Variants in FRMD6 observed in about 807,000 individuals in gnomAD.
The protein encoded by FRMD6 is FERM domain containing 6, also known as FERM domain-containing protein 6.
FRMD6 carries 37 observed loss-of-function variants against 73.2 expected under a neutral mutation model. The ratio of observed to expected loss-of-function variants is 0.51; its 90% confidence interval spans 0.39 to 0.66. FRMD6 has a LOEUF of 0.66. Among genes scored for constraint, FRMD6 ranks in the 30% least tolerant of loss-of-function variants. The probability of loss-of-function intolerance (pLI) is 0.00; values close to 1 mark genes in which losing one functional copy is unlikely to be tolerated. For synonymous variants in FRMD6, 273 were observed against 282.2 expected (o/e 0.97, Z 0.33); for missense variants, 714 against 780.5 (o/e 0.91, Z 1.02).
chr14:51,442,791 C>A, the FRMD6 span, among the ~76,000 whole-genome samples: 1 of 152,226 alleles, frequency 6.6e-6, no homozygotes, highest in African/African-American at 2.4e-5. Flanking sequence ...TTTAGGATAA[C>A]TATATGCCAG....
intron 3 of FRMD6, 93 bp from the exon 4 acceptor site, chr14:51,700,963 T>C: frequency 1.7e-6 from 1 of 571,982 alleles, no homozygotes; most frequent in Middle Eastern, 4.8e-4. Context: ...TTCACAAGTC[T>C]TGAGGCTTTA....
intron 2 of FRMD6, among the ~76,000 whole-genome samples, chr14:51,572,084 C>A (rs1010035074): frequency 7.2e-5 from 11 of 152,242 alleles, no homozygotes; most frequent in African/African-American, 2.7e-4. Context: ...GCTGGCACTC[C>A]AGCATAAGGC....
intron 1 of FRMD6, among the ~76,000 whole-genome samples, chr14:51,492,570 G>T (rs932275620): frequency 1.3e-5 from 2 of 152,022 alleles, no homozygotes; most frequent in South Asian, 4.2e-4. Context: ...AATCAGTCAA[G>T]TATCACCTTC....
chr14:51,437,467 TA>T, the FRMD6 span, among the ~76,000 whole-genome samples: 1 of 152,200 alleles, frequency 6.6e-6, no homozygotes, highest in Non-Finnish European at 1.5e-5. Flanking sequence ...CACACCCGGC[TA>T]ATTTTTTGTA....
At chr14:51,703,140 T>C (rs1896427431) in intron 5 of FRMD6, among the ~76,000 whole-genome samples, 1 of 152,044 alleles carries the variant, frequency 6.6e-6, no homozygotes, top group African/African-American at 2.4e-5. Context: ...GAATCTTAGA[T>C]GCAATTTGAC....
At chr14:51,466,987 A>G in the FRMD6 span, among the ~76,000 whole-genome samples, 1 of 150,328 alleles carries the variant, frequency 6.7e-6, no homozygotes, top group Non-Finnish European at 1.5e-5. Context: ...TTTAATACTT[A>G]TTGATCATTC....
At chr14:51,696,558 C>T (rs1895952090) in intron 2 of FRMD6, among the ~76,000 whole-genome samples, 2 of 151,892 alleles carry the variant, frequency 1.3e-5, no homozygotes, top group Admixed American at 1.3e-4. Flanking sequence ...TACTAAGACT[C>T]AGAAAAGGAA....
At chr14:51,716,184 A>C (rs1225007496) in intron 10 of FRMD6, among the ~76,000 whole-genome samples, 2 of 152,192 alleles carry the variant, frequency 1.3e-5, no homozygotes, top group African/African-American at 4.8e-5. Context: ...TCCGACTTCA[A>C]CTTTACATTA....
intron 2 of FRMD6, among the ~76,000 whole-genome samples, chr14:51,597,670 T>A (rs2139780161): frequency 6.6e-6 from 1 of 152,364 alleles, no homozygotes; most frequent in South Asian, 2.1e-4. Flanking sequence ...GATGAATGAA[T>A]GAGCTAATAT....
At chr14:51,439,322 G>T in the FRMD6 span, among the ~76,000 whole-genome samples, 1 of 152,182 alleles carries the variant, frequency 6.6e-6, no homozygotes, top group African/African-American at 2.4e-5. Context: ...TTGGGGGAAA[G>T]AATGACTCTA....
intron 2 of FRMD6, among the ~76,000 whole-genome samples, chr14:51,578,661 A>C (rs1219652627): frequency 6.6e-6 from 1 of 152,222 alleles, no homozygotes; most frequent in Non-Finnish European, 1.5e-5. Flanking sequence ...TGTGCCAGGC[A>C]CTATGCTGTG....
chr14:51,699,087 C>T (rs1369191009), intron 3 of FRMD6, among the ~76,000 whole-genome samples: 1 of 152,006 alleles, frequency 6.6e-6, no homozygotes, highest in Admixed American at 6.6e-5. Context: ...ATGTTTACAC[C>T]TGCCAAGTTG....
the FRMD6 span, among the ~76,000 whole-genome samples, chr14:51,409,893 G>A: frequency 7.2e-5 from 11 of 152,108 alleles, no homozygotes. Context: ...CCGGCCCAAC[G>A]CAGTATGTTT....
intron 1 of FRMD6, among the ~76,000 whole-genome samples, chr14:51,532,039 A>G (rs1596547969): frequency 1.3e-5 from 2 of 152,332 alleles, no homozygotes; most frequent in African/African-American, 2.4e-5. Flanking sequence ...ATATCTGTCA[A>G]AATTATTCAT....
chr14:51,428,094 A>C, the FRMD6 span, among the ~76,000 whole-genome samples: 1 of 152,228 alleles, frequency 6.6e-6, no homozygotes, highest in Non-Finnish European at 1.5e-5. Flanking sequence ...ATTTTAAAAA[A>C]GACTCAAAGT....
chr14:51,465,949 T>A, the FRMD6 span, among the ~76,000 whole-genome samples: 6 of 152,338 alleles, frequency 3.9e-5, no homozygotes, highest in East Asian at 5.8e-4. Flanking sequence ...AATTGCTCCA[T>A]ATCCTCACCA....
intron 1 of FRMD6, among the ~76,000 whole-genome samples, chr14:51,498,839 A>G (rs1883448990): frequency 6.6e-6 from 1 of 152,216 alleles, no homozygotes; most frequent in South Asian, 2.1e-4. Flanking sequence ...TAATTAATGT[A>G]AAATCTACCA....
chr14:51,439,710 C>T, the FRMD6 span, among the ~76,000 whole-genome samples: 1,045 of 152,324 alleles, frequency 6.9e-3, 11 homozygotes, highest in African/African-American at 0.024. Flanking sequence ...GCACACATCA[C>T]CTCATGTCAG....
chr14:51,509,783 C>A (rs1461374195), intron 1 of FRMD6, among the ~76,000 whole-genome samples: 2 of 151,962 alleles, frequency 1.3e-5, no homozygotes, highest in Admixed American at 1.3e-4. Flanking sequence ...CCTGCCACCA[C>A]GCCCGGCTAA....
Sources: allele counts gnomAD v4.1 joint callset (sites outside exome capture counted in the v4.1 genomes callset), GRCh38; gene constraint gnomAD v4.1.1; transcripts MANE v1.5; gene names NCBI Gene and HGNC (gene_info 2026-07-23, HGNC 2026-07-21).